Variants in RGS18 observed in about 807,000 individuals in gnomAD.
RGS18 encodes the protein regulator of G-protein signaling 18.
In RGS18, 22 loss-of-function variants were observed where a neutral mutation model predicts 27.6. That is an observed-to-expected ratio of 0.80 (90% CI 0.57 to 1.14). RGS18 has a LOEUF of 1.14. Among genes scored for constraint, RGS18 ranks in the 50% most tolerant of loss-of-function variants. RGS18 has a pLI of 0.00. For missense variants in RGS18, 299 were observed against 269.6 expected, an observed-to-expected ratio of 1.11 and a Z score of -0.76; for synonymous variants, 89 against 84.6, an observed-to-expected ratio of 1.05 and a Z score of -0.29.
chr1:192,175,006 A>C (rs1656333513), intron 3 of RGS18, among the ~76,000 whole-genome samples: 1 of 151,846 alleles, frequency 6.6e-6, no homozygotes, highest in Non-Finnish European at 1.5e-5. Context: ...TAGATTAAGT[A>C]AATCTATCTT....
intron 3 of RGS18, among the ~76,000 whole-genome samples, chr1:192,173,849 A>G (rs1042845228): frequency 2.6e-5 from 4 of 151,818 alleles, no homozygotes; most frequent in African/African-American, 9.7e-5. Flanking sequence ...TTTTAACAGA[A>G]CCAACTTTGG....
chr1:192,181,859 C>A (rs1418726129), intron 4 of RGS18, among the ~76,000 whole-genome samples: 1 of 151,564 alleles, frequency 6.6e-6, no homozygotes, highest in East Asian at 1.9e-4. Context: ...TCCTTCCTAC[C>A]TTACCTAGCC....
At chr1:192,160,207 T>C (rs1656046348) in intron 2 of RGS18, among the ~76,000 whole-genome samples, 171 bp from the exon 3 acceptor site, 1 of 152,146 alleles carries the variant, frequency 6.6e-6, no homozygotes, top group Admixed American at 6.5e-5. Flanking sequence ...CAAAAGAAAA[T>C]TGAACAATGT....
chr1:192,166,193 C>T (rs1379436020), intron 3 of RGS18, among the ~76,000 whole-genome samples: 1 of 152,024 alleles, frequency 6.6e-6, no homozygotes, highest in Non-Finnish European at 1.5e-5. Flanking sequence ...GAAAATGATA[C>T]TGCTGCATAA....
At chr1:192,178,996 G>T (rs963380545) in intron 3 of RGS18, among the ~76,000 whole-genome samples, 1 of 151,396 alleles carries the variant, frequency 6.6e-6, no homozygotes, top group African/African-American at 2.4e-5. Flanking sequence ...GGAAGATAAA[G>T]GAAAGAAGAA....
chr1:192,171,044 A>G (rs1203770677), intron 3 of RGS18, among the ~76,000 whole-genome samples: 1 of 152,164 alleles, frequency 6.6e-6, no homozygotes, highest in Admixed American at 6.6e-5. Flanking sequence ...CAACCAGCAC[A>G]TCTGATGCCC....
intron 3 of RGS18, among the ~76,000 whole-genome samples, chr1:192,167,607 G>T (rs1356414941): frequency 6.6e-6 from 1 of 151,988 alleles, no homozygotes; most frequent in Non-Finnish European, 1.5e-5. Context: ...CTTTAGTAGA[G>T]ACAGGGTTTC....
intron 3 of RGS18, among the ~76,000 whole-genome samples, chr1:192,167,087 C>T (rs1656175119): frequency 6.6e-6 from 1 of 152,158 alleles, no homozygotes; most frequent in South Asian, 2.1e-4. Flanking sequence ...GAACTTTTTA[C>T]ACTCTGAATT....
chr1:192,169,117 C>T lies in RGS18; in HGVS notation c.283+8678C>T, dbSNP rs1656213187. 1.3e-5 allele frequency: 2 copies of T among 152,082 alleles called. 1 individual carries two copies. Among genetic ancestry groups the T allele is most frequent in the African/African-American group, 4.8e-5 (2 of 41,438 alleles). The allele number at this position is 152,082 out of a possible 1,614,324, so 9.4% of individuals were successfully genotyped here. On this transcript the variant is annotated intron_variant, in intron 3 of 4. Transcript: ENST00000367460. ...GTTAAAAAGTTATTTTAATAAATAA[C>T]AATTTCAGCTATCTGGCTTCTGGGC...
chr1:192,184,268 A>C, intron 4 of RGS18, 29 bp from the exon 5 acceptor site: 1 of 1,593,876 alleles, frequency 6.3e-7, no homozygotes, highest in Non-Finnish European at 8.6e-7. Flanking sequence ...CATATTAACT[A>C]TAATCACACT....
At chr1:192,169,677 C>T (rs531567785) in intron 3 of RGS18, 6 of 152,210 alleles carry the variant, frequency 3.9e-5, no homozygotes, top group Admixed American at 2.0e-4. Flanking sequence ...TGAAAATCTT[C>T]TCACAATTAT....
At position 192,158,507 on chromosome 1, in the gene RGS18, T is replaced by G. The variant is rs4495675; in HGVS notation, c.-131T>G. ...ACAGAAAGAAACGCAGCTCTTGACT[T>G]CTTTTTTGTAAACATTACTGTAAGA... On this transcript the variant is annotated 5_prime_UTR_variant, in exon 1 of 5. Coordinates refer to ENST00000367460, the MANE Select transcript of RGS18 (RefSeq NM_130782.3). 0.48 allele frequency: 389,574 copies of G among 808,224 alleles called. 97,453 individuals are homozygous for G. The highest frequency in any genetic ancestry group is 0.72 in the East Asian group (19,697 of 27,454). The allele number at this position is 808,224 out of a possible 1,614,324, so 50.1% of individuals were successfully genotyped here. A position where few individuals can be genotyped will look rare whatever the true frequency, so the allele number is the denominator to read the frequency against.
intron 3 of RGS18, among the ~76,000 whole-genome samples, chr1:192,175,726 T>C (rs1015589517): frequency 3.9e-5 from 6 of 151,950 alleles, no homozygotes; most frequent in African/African-American, 1.2e-4. Flanking sequence ...GTCAAGGCTC[T>C]GCAGGAAAAC....
In RGS18 at chr1:192,184,658, T is replaced by C; in HGVS notation, c.*104T>C. On this transcript the variant is annotated 3_prime_UTR_variant, in exon 5 of 5. Transcript: ENST00000367460. ...GTCCCATCCTTTAAACTGAAATATG[T>C]CATGTGAAATTATTTTAAAAATGTA... The C allele has an allele frequency of 9.3e-7, 1 of 1,076,888 alleles. No individual in the cohort carries two copies. The highest frequency in any genetic ancestry group is 1.3e-6 in the Non-Finnish European group (1 of 752,480). The allele number at this position is 1,076,888 out of a possible 1,614,324, so 66.7% of individuals were successfully genotyped here.
At chr1:192,159,843 C>T (rs1249607963) in intron 2 of RGS18, among the ~76,000 whole-genome samples, 1 of 151,982 alleles carries the variant, frequency 6.6e-6, no homozygotes, top group Non-Finnish European at 1.5e-5. Flanking sequence ...ATTCAATTCT[C>T]CACATTACCA....
intron 3 of RGS18, chr1:192,163,593 AT>A (rs1388699835): frequency 6.6e-6 from 1 of 152,144 alleles, no homozygotes; most frequent in Non-Finnish European, 1.5e-5. Context: ...GAAGAGACAC[AT>A]TTAAAGAAAT....
chr1:192,184,456 G>A lies in RGS18; in HGVS notation c.610G>A (p.Gly204Arg). 8.1e-6 allele frequency: 13 copies of A among 1,611,678 alleles called. No homozygotes were observed. The highest frequency in any genetic ancestry group is 1.0e-5 in the Non-Finnish European group (12 of 1,178,520). ...KSDIYLDLMEGRPQRPTNLRR... is the reference protein window; with the variant it reads ...KSDIYLDLMERRPQRPTNLRR... ...TGACATCTATTTAGACTTGATGGAA[G>A]GAAGACCTCAGAGACCAACAAATCT... The change falls in exon 5 of 5, where the codon GGA (glycine) becomes AGA (arginine). Residue 204 changes from glycine (G) to arginine (R), a missense_variant. By Grantham distance (125) the Gly-to-Arg change is moderately radical. Coordinates refer to ENST00000367460, the MANE Select transcript of RGS18 (RefSeq NM_130782.3).
intron 3 of RGS18, among the ~76,000 whole-genome samples, chr1:192,173,137 T>A (rs1656293239): frequency 6.6e-6 from 1 of 151,812 alleles, no homozygotes; most frequent in African/African-American, 2.4e-5. Flanking sequence ...TGGAACTTTT[T>A]ATATTAGTAA....
intron 3 of RGS18, among the ~76,000 whole-genome samples, chr1:192,177,303 A>G (rs1204382562): frequency 2.6e-5 from 4 of 151,284 alleles, no homozygotes. Context: ...CTGATTGTCC[A>G]TATCTCTTGT....
Sources: allele counts gnomAD v4.1 joint callset (sites outside exome capture counted in the v4.1 genomes callset), GRCh38; gene constraint gnomAD v4.1.1; transcripts MANE v1.5; gene names NCBI Gene and HGNC (gene_info 2026-07-23, HGNC 2026-07-21).